The following KCNN2 variants were observed in gnomAD, a reference collection of about 807,000 sequenced individuals.
KCNN2 encodes potassium calcium-activated channel subfamily N member 2, also known as small conductance calcium-activated potassium channel protein 2.
Under a neutral mutation model 55.5 loss-of-function variants are expected in KCNN2, and 24 were observed. That is an observed-to-expected ratio of 0.43 (90% CI 0.31 to 0.61). The LOEUF (loss-of-function observed/expected upper bound fraction) is 0.61. Ranked by LOEUF, KCNN2 falls within the 20% of genes least tolerant of loss-of-function variation. The pLI, the probability that KCNN2 is intolerant of heterozygous loss-of-function variation, is 0.08. For missense variants in KCNN2, 754 were observed against 853.6 expected (o/e 0.88, Z 1.45); for synonymous variants, 431 against 336.1 (o/e 1.28, Z -3.09).
chr5:114,460,333 C>T (rs1018860981), intron 3 of KCNN2, among the ~76,000 whole-genome samples: 1 of 152,094 alleles, frequency 6.6e-6, no homozygotes, highest in South Asian at 2.1e-4. Flanking sequence ...ACCTCTGCCT[C>T]CCAGGTTCAA....
At chr5:114,151,458 G>A (rs1352397892) in intron 1 of KCNN2, among the ~76,000 whole-genome samples, 3 of 151,960 alleles carry the variant, frequency 2.0e-5, no homozygotes, top group African/African-American at 7.3e-5. Flanking sequence ...AGTTGGGACA[G>A]TCAGCTTGGG....
At chr5:114,419,400 CA>C (rs1308530697) in intron 3 of KCNN2, among the ~76,000 whole-genome samples, 1 of 152,200 alleles carries the variant, frequency 6.6e-6, no homozygotes, top group Non-Finnish European at 1.5e-5. Context: ...ATCATTTTGT[CA>C]AATTTGTTTT....
At chr5:114,426,843 T>G (rs1759639183) in intron 3 of KCNN2, among the ~76,000 whole-genome samples, 1 of 152,178 alleles carries the variant, frequency 6.6e-6, no homozygotes, top group Non-Finnish European at 1.5e-5. Flanking sequence ...GCGATTGTAG[T>G]TTTATCTTCC....
At chr5:114,269,067 T>C (rs1214482743) in intron 2 of KCNN2, among the ~76,000 whole-genome samples, 2 of 152,152 alleles carry the variant, frequency 1.3e-5, no homozygotes, top group East Asian at 3.9e-4. Context: ...AAGCTATCAT[T>C]ACATGATACC....
chr5:114,159,610 T>G (rs1752720823), intron 1 of KCNN2, among the ~76,000 whole-genome samples: 1 of 152,198 alleles, frequency 6.6e-6, no homozygotes, highest in Non-Finnish European at 1.5e-5. Context: ...CTGGTAGAAT[T>G]CAGCTGTGAG....
chr5:114,484,095 T>C (rs759211470), intron 5 of KCNN2, among the ~76,000 whole-genome samples: 1 of 152,190 alleles, frequency 6.6e-6, no homozygotes, highest in Non-Finnish European at 1.5e-5. Context: ...AAGAAGTTTT[T>C]ATGTATAAAT....
At chr5:114,469,655 A>G (rs1432110358) in intron 4 of KCNN2, among the ~76,000 whole-genome samples, 1 of 152,144 alleles carries the variant, frequency 6.6e-6, no homozygotes, top group Admixed American at 6.6e-5. Flanking sequence ...TTCCATTCTT[A>G]TTCACTTTAT....
chr5:114,452,293 G>C (rs1760727916), intron 3 of KCNN2, among the ~76,000 whole-genome samples: 1 of 152,154 alleles, frequency 6.6e-6, no homozygotes, highest in African/African-American at 2.4e-5. Flanking sequence ...ATTTAGAACT[G>C]TAATTTTAGG....
chr5:114,371,347 T>C (rs927256804), intron 2 of KCNN2, among the ~76,000 whole-genome samples: 5 of 151,938 alleles, frequency 3.3e-5, no homozygotes, highest in Admixed American at 1.3e-4. Flanking sequence ...TGAGAGAGAA[T>C]AGAAAAATGA....
chr5:114,484,775 A>G lies in KCNN2; in HGVS notation c.1891-2275A>G, dbSNP rs181051445. 2.0e-3 allele frequency among the ~76,000 whole-genome samples: 311 copies of G among 152,268 alleles called. 2 individuals are homozygous for G. Among genetic ancestry groups the G allele is most frequent in the Admixed American group, 3.2e-3 (49 of 15,286 alleles). On this transcript the variant is annotated intron_variant, in intron 5 of 7. Coordinates refer to ENST00000673685, the MANE Select transcript of KCNN2 (RefSeq NM_021614.4). ...AGGAGGTTTGTTCCTGTATTTGACA[A>G]CCTATTAGGGAATTAGAAAGGGGAT...
intron 2 of KCNN2, among the ~76,000 whole-genome samples, chr5:114,327,081 A>T (rs924329795): frequency 3.3e-5 from 5 of 152,236 alleles, no homozygotes; most frequent in African/African-American, 1.2e-4. Context: ...AACAGGAAAC[A>T]AAAACAATGT....
chr5:114,318,921 C>T (rs2150028633), intron 2 of KCNN2, among the ~76,000 whole-genome samples: 1 of 152,128 alleles, frequency 6.6e-6, no homozygotes, highest in East Asian at 1.9e-4. Flanking sequence ...CTGAAAAAGA[C>T]ATTGGAGAGT....
intron 3 of KCNN2, among the ~76,000 whole-genome samples, chr5:114,442,452 T>C (rs1760253412): frequency 6.6e-6 from 1 of 152,076 alleles, no homozygotes; most frequent in African/African-American, 2.4e-5. Flanking sequence ...TCATCAGGAA[T>C]TTACCTATGT....
chr5:114,134,110 A>G (rs970277866), intron 1 of KCNN2, among the ~76,000 whole-genome samples: 8 of 152,054 alleles, frequency 5.3e-5, no homozygotes, highest in Admixed American at 3.3e-4. Context: ...ATATTATTTT[A>G]CCAGCCCCCA....
intron 2 of KCNN2, among the ~76,000 whole-genome samples, chr5:114,272,960 G>A (rs935055674): frequency 6.6e-6 from 1 of 152,010 alleles, no homozygotes. Flanking sequence ...CACGTGCCAT[G>A]AGTGTTTGCT....
At chr5:114,354,427 C>T (rs1360276370) in intron 2 of KCNN2, among the ~76,000 whole-genome samples, 1 of 152,008 alleles carries the variant, frequency 6.6e-6, no homozygotes, top group African/African-American at 2.4e-5. Context: ...GACCTTCTTC[C>T]CTCTGAATGA....
chr5:114,129,191 C>T (rs1399542492), intron 1 of KCNN2, among the ~76,000 whole-genome samples: 1 of 152,134 alleles, frequency 6.6e-6, no homozygotes, highest in African/African-American at 2.4e-5. Flanking sequence ...TTCCCCACCC[C>T]TTACTCTCCT....
intron 2 of KCNN2, among the ~76,000 whole-genome samples, chr5:114,371,557 T>C (rs1005042039): frequency 3.3e-5 from 5 of 152,094 alleles, no homozygotes; most frequent in African/African-American, 9.7e-5. Context: ...ATTTGGAAAA[T>C]TGAAGGTCAT....
intron 4 of KCNN2, among the ~76,000 whole-genome samples, chr5:114,464,876 AAAT>A (rs1761369626): frequency 6.6e-6 from 1 of 151,698 alleles, no homozygotes; most frequent in African/African-American, 2.4e-5. Flanking sequence ...TTTTTTCCTC[AAAT>A]AATAGCATTT....
Sources: gnomAD v4.1 joint callset for allele counts (sites outside exome capture counted in the v4.1 genomes callset) on GRCh38, gnomAD v4.1.1 for gene constraint, MANE v1.5 for transcripts, NCBI Gene and HGNC (gene_info 2026-07-23, HGNC 2026-07-21) for gene names.